Variants in LINGO1 observed in about 807,000 individuals in gnomAD.
LINGO1 encodes the protein leucine-rich repeat and immunoglobulin-like domain-containing nogo receptor-interacting protein 1.
A neutral mutation model predicts 37.3 loss-of-function variants in LINGO1; 11 were observed. The ratio of observed to expected loss-of-function variants is 0.29; its 90% CI spans 0.19 to 0.49. The LOEUF is 0.49. LINGO1 is among the 20% of genes least tolerant of loss of function. The probability of loss-of-function intolerance (pLI) is 0.99; values close to 1 mark genes in which losing one functional copy is unlikely to be tolerated. For synonymous variants in LINGO1, 387 were observed against 403.0 expected, an observed-to-expected ratio of 0.96 and a Z score of 0.48; for missense variants, 585 against 878.2, an observed-to-expected ratio of 0.67 and a Z score of 4.22.
intron 2 of LINGO1, among the ~76,000 whole-genome samples, chr15:77,733,160 G>A (rs1044374423): frequency 1.3e-5 from 2 of 152,168 alleles, no homozygotes; most frequent in Non-Finnish European, 2.9e-5. Context: ...TCACTGAACC[G>A]AGTGGGGCTG....
At chr15:77,770,954 C>T (rs113297075) in intron 1 of LINGO1, among the ~76,000 whole-genome samples, 76 of 152,356 alleles carry the variant, frequency 5.0e-4, no homozygotes, top group African/African-American at 1.8e-3. Flanking sequence ...TGAGTAGTGA[C>T]TGTGACCCTT....
chr15:77,673,940 T>TA (rs751058037), intron 3 of LINGO1, among the ~76,000 whole-genome samples: 1 of 150,070 alleles, frequency 6.7e-6, no homozygotes, highest in Admixed American at 6.6e-5. Flanking sequence ...TTGAAATTCT[T>TA]AATTTTTTTT....
chr15:77,684,647 T>G (rs1057346771), intron 2 of LINGO1, among the ~76,000 whole-genome samples: 1 of 152,226 alleles, frequency 6.6e-6, no homozygotes, highest in African/African-American at 2.4e-5. Flanking sequence ...TCCCCGGGGC[T>G]GGTCTCCTGG....
chr15:77,623,509 T>C (rs74025322), intron 1 of LINGO1, among the ~76,000 whole-genome samples: 29,981 of 152,148 alleles, frequency 0.2, 6,305 homozygotes, highest in African/African-American at 0.53. Flanking sequence ...CCAGTCTAAT[T>C]TGGGGGGCTG....
chr15:77,762,708 A>C (rs1046094108), intron 1 of LINGO1, among the ~76,000 whole-genome samples: 1 of 151,848 alleles, frequency 6.6e-6, no homozygotes, highest in Non-Finnish European at 1.5e-5. Context: ...ATACTTTTCC[A>C]CTTTCAACAC....
At chr15:77,629,399 C>G (rs972482981) in intron 1 of LINGO1, among the ~76,000 whole-genome samples, 1 of 152,210 alleles carries the variant, frequency 6.6e-6, no homozygotes, top group African/African-American at 2.4e-5. Context: ...CACACTCTTT[C>G]TACAAAGAAC....
Position 77,614,523 on chromosome 15 carries a change from G to A in LINGO1, c.1384C>T (p.Arg462Ter), listed in dbSNP as rs2073621522. ...PPPAILWLSP[R>*]KHLVSAKSNG... ...CTCTTGGCTGAGACCAGGTGCTTTC[G>A]GGGTGAGAGCCAGAGGATGGCGGGC... Residue 462 changes from arginine (R) to a stop codon, truncating the protein, a stop_gained, in exon 2 of 2, where the codon CGA becomes TGA. Transcript: ENST00000355300. LOFTEE classifies it high-confidence loss of function. 2 of 1,610,854 alleles carry A rather than the reference G, an allele frequency of 1.2e-6. No individual in the cohort carries two copies. Among genetic ancestry groups the A allele is most frequent in the Non-Finnish European group, 1.7e-6 (2 of 1,179,638 alleles).
At position 77,792,838 on chromosome 15, in the gene LINGO1, C is replaced by T. The variant is rs551309492; in HGVS notation, c.-343+3101G>A. ...GTGTAGCAGGCGCTCAGTGAGTATGCGCTGAAGGAAGAATGAACAAACCAC... is the reference window on the plus strand; with the variant it reads ...GTGTAGCAGGCGCTCAGTGAGTATGTGCTGAAGGAAGAATGAACAAACCAC... On this transcript the variant is annotated intron_variant, in intron 2 of 5. Transcript: ENST00000562933. Among the ~76,000 whole-genome samples the T allele has an allele frequency of 7.4e-4, 113 of 152,292 alleles. 1 individual carries two copies. Among genetic ancestry groups the T allele is most frequent in the African/African-American group, 2.6e-3 (107 of 41,556 alleles).
chr15:77,724,926 C>T (rs1226362667), intron 2 of LINGO1, among the ~76,000 whole-genome samples: 4 of 152,206 alleles, frequency 2.6e-5, no homozygotes, highest in African/African-American at 4.8e-5. Flanking sequence ...GCTTCCCAGA[C>T]GGTGTGTGGA....
chr15:77,698,685 G>A (rs1197967624), upstream of LINGO1, among the ~76,000 whole-genome samples: 1 of 152,234 alleles, frequency 6.6e-6, no homozygotes, highest in Non-Finnish European at 1.5e-5. Context: ...ACAGTCGCTG[G>A]GAGAGGCTGA....
intron 2 of LINGO1, among the ~76,000 whole-genome samples, chr15:77,723,944 T>G (rs1465660995): frequency 6.6e-6 from 1 of 152,048 alleles, no homozygotes; most frequent in South Asian, 2.1e-4. Context: ...GTTGTGATAT[T>G]TTTCCCCAGG....
At chr15:77,815,225 C>T (rs1323832234) in intron 1 of LINGO1, among the ~76,000 whole-genome samples, 1 of 152,334 alleles carries the variant, frequency 6.6e-6, no homozygotes, top group Non-Finnish European at 1.5e-5. Context: ...ATATGCTCTC[C>T]GACAGCTGGA....
chr15:77,789,827 C>T (rs1002302014), upstream of LINGO1, among the ~76,000 whole-genome samples: 5 of 151,964 alleles, frequency 3.3e-5, no homozygotes, highest in Non-Finnish European at 7.4e-5. Context: ...TGCTCTTCAC[C>T]CAGGCTGGAG....
At chr15:77,689,168 A>C (rs2075561114) in intron 2 of LINGO1, among the ~76,000 whole-genome samples, 1 of 152,186 alleles carries the variant, frequency 6.6e-6, no homozygotes. Context: ...CTAGAGGAGA[A>C]GCAGCAGAGG....
chr15:77,660,209 C>T (rs2074958651), intron 3 of LINGO1: 1 of 152,250 alleles, frequency 6.6e-6, no homozygotes, highest in Non-Finnish European at 1.5e-5. Context: ...AATGGGCCCT[C>T]GGGCATGTCC....
intron 1 of LINGO1, among the ~76,000 whole-genome samples, chr15:77,771,032 C>A (rs923647002): frequency 3.1e-4 from 47 of 152,192 alleles, no homozygotes; most frequent in African/African-American, 1.1e-3. Context: ...CACACCAGCA[C>A]CTCAAAGTGA....
At chr15:77,692,846 C>T (rs2075627880) in intron 1 of LINGO1, among the ~76,000 whole-genome samples, 1 of 152,254 alleles carries the variant, frequency 6.6e-6, no homozygotes, top group African/African-American at 2.4e-5. Context: ...AGGCCTCTGC[C>T]TCTAGCCCCA....
At chr15:77,652,953 G>A (rs2074793796) in intron 3 of LINGO1, among the ~76,000 whole-genome samples, 1 of 152,232 alleles carries the variant, frequency 6.6e-6, no homozygotes, top group Admixed American at 6.5e-5. Flanking sequence ...CCCAGTGGGT[G>A]TAGGGCCACA....
At chr15:77,672,568 C>T (rs529334042) in intron 3 of LINGO1, among the ~76,000 whole-genome samples, 3 of 152,250 alleles carry the variant, frequency 2.0e-5, no homozygotes, top group South Asian at 2.1e-4. Context: ...CCTCACCTCT[C>T]ACTTCACTGA....
Sources: gnomAD v4.1 joint callset for allele counts (sites outside exome capture counted in the v4.1 genomes callset) on GRCh38, gnomAD v4.1.1 for gene constraint, MANE v1.5 for transcripts, NCBI Gene and HGNC (gene_info 2026-07-23, HGNC 2026-07-21) for gene names.